ELOA: variants seen among roughly 807,000 people sequenced by gnomAD.
The protein encoded by ELOA is elongin-A.
In ELOA, 15 loss-of-function variants were observed where a neutral mutation model predicts 85.2. That is an observed-to-expected ratio of 0.18 (90% CI 0.12 to 0.27). The LOEUF is 0.27. Ranked by LOEUF, ELOA falls within the 10% of genes least tolerant of loss-of-function variation. The pLI is 1.00. For synonymous variants in ELOA, 348 were observed against 357.2 expected, an observed-to-expected ratio of 0.97 and a Z score of 0.29; for missense variants, 769 against 952.7, an observed-to-expected ratio of 0.81 and a Z score of 2.54.
At chr1:23,744,708 A>G (rs1443796761) in intron 1 of ELOA, among the ~76,000 whole-genome samples, 1 of 152,142 alleles carries the variant, frequency 6.6e-6, no homozygotes, top group African/African-American at 2.4e-5. Context: ...GTGGAAGTAC[A>G]ACGATGAAAA....
intron 9 of ELOA, 130 bp downstream of exon 9, chr1:23,756,515 C>G: frequency 1.4e-6 from 1 of 732,102 alleles, no homozygotes; most frequent in Non-Finnish European, 2.2e-6. Flanking sequence ...CAGACCTCAT[C>G]AGCTCAGCAC....
rs776994826 is a variant in ELOA at position 23,752,529 on chromosome 1, A to G, written c.1537+11A>G. 15 of 1,610,380 alleles carry G rather than the reference A, an allele frequency of 9.3e-6. No individual in the cohort carries two copies. Among genetic ancestry groups the G allele is most frequent in the Admixed American group, 1.7e-5 (1 of 59,576 alleles). On this transcript the variant is annotated intron_variant, in intron 5 of 10. Coordinates refer to ENST00000613537, the MANE Select transcript of ELOA (RefSeq NM_003198.3). ...AGCCAAAGCGAAAAGGTAATTTTCT[A>G]TATCTTCTTTTTCTTAATGGGAAAA...
Position 23,743,477 on chromosome 1 carries a change from G to A in ELOA, c.-27G>A. The A allele has an allele frequency of 6.7e-7, 1 of 1,501,732 alleles. No homozygotes were observed. Among genetic ancestry groups the A allele is most frequent in the Admixed American group, 2.1e-5 (1 of 47,224 alleles). 93.0% of individuals were successfully genotyped at this position (1,501,732 alleles called of 1,614,324 possible). A position where few individuals can be genotyped will look rare whatever the true frequency, so the allele number is the denominator to read the frequency against. On this transcript the variant is annotated 5_prime_UTR_variant, in exon 1 of 11. Transcript: ENST00000613537. ...GAGGACGCGACGCGAGCCCAGTTCC[G>A]GCGAGGAGGCCGCGCCAGTGACAGC...
rs541445828 is a variant in ELOA, at chr1:23,745,397, A to AT, written c.75+1829dup. The stretch of plus-strand genomic sequence containing the variant: ...AATGTTCTATGTAGTGTCTACAGTC[A>AT]TTTTTTTTTTAACTAGAATTTAGAT... On this transcript the variant is annotated intron_variant, in intron 1 of 10. Transcript: ENST00000613537. Among the ~76,000 whole-genome samples the AT allele has an allele frequency of 6.6e-4, 99 of 149,042 alleles. 1 individual carries two copies. The South Asian group carries it at 8.0e-3, about 12-fold the overall frequency.
chr1:23,746,875 A>G (rs553173967), intron 1 of ELOA, among the ~76,000 whole-genome samples: 6 of 152,272 alleles, frequency 3.9e-5, no homozygotes, highest in East Asian at 1.9e-4. Context: ...AGGATGCCCA[A>G]TGTGCCTTTG....
chr1:23,758,256 T>TTTTTTTTTTC (rs1638235944), intron 10 of ELOA, among the ~76,000 whole-genome samples: 1 of 56,578 alleles, frequency 1.8e-5, no homozygotes, highest in East Asian at 4.7e-4. Context: ...AATTTATTTA[T>TTTTTTTTTTC]TTATTTTTTT....
At chr1:23,757,475 G>T (rs372956081) in intron 10 of ELOA, among the ~76,000 whole-genome samples, 1 of 152,130 alleles carries the variant, frequency 6.6e-6, no homozygotes, top group East Asian at 1.9e-4. Flanking sequence ...GTACACACCT[G>T]TAGTCCCACC....
Position 23,749,779 on chromosome 1 carries a change from T to C in ELOA, c.133-63T>C, listed in dbSNP as rs1644760820. On this transcript the variant is annotated intron_variant, in intron 2 of 10. Coordinates refer to ENST00000613537, the MANE Select transcript of ELOA (RefSeq NM_003198.3). ...GAGTTTCTCAAAGTAGAAAGCCTTA[T>C]TTCTTTAGAAAAACGTTAGCCTAGT... is the stretch of plus-strand genomic sequence containing the variant. 2.8e-6 allele frequency: 4 copies of C among 1,441,716 alleles called. No individual in the cohort carries two copies. The South Asian group carries it at 3.7e-5, about 13-fold the overall frequency. The allele number at this position is 1,441,716 out of a possible 1,614,324, so 89.3% of individuals were successfully genotyped here. A position where few individuals can be genotyped will look rare whatever the true frequency, so the allele number is the denominator to read the frequency against.
chr1:23,753,147 C>G (rs984000228), intron 5 of ELOA, among the ~76,000 whole-genome samples: 2 of 152,086 alleles, frequency 1.3e-5, no homozygotes, highest in African/African-American at 4.8e-5. Context: ...AAGACTGTTT[C>G]AAAAACAAAC....
chr1:23,743,630 C>A lies in ELOA; in HGVS notation c.75+52C>A, dbSNP rs1459224537. The A allele has an allele frequency of 8.4e-6, 12 of 1,428,924 alleles. No individual in the cohort carries two copies. The Admixed American group carries it at 2.6e-4, about 31-fold the overall frequency. The allele number at this position is 1,428,924 out of a possible 1,614,324, so 88.5% of individuals were successfully genotyped here. A position where few individuals can be genotyped will look rare whatever the true frequency, so the allele number is the denominator to read the frequency against. ...GATGGGCGTTGGGTCGGTGAGGGCC[C>A]CGTAACGGTCGCGGCCCGAGCGTGG... On this transcript the variant is annotated intron_variant, in intron 1 of 10. Transcript: ENST00000613537.
Position 23,755,891 on chromosome 1 carries a change from G to C in ELOA, c.1840G>C (p.Asp614His). Reference sequence around the variant, plus strand: ...ATTATGGAAAGTTCATTGTCACCGAGACTTTAAGGAAGAAAGACCCGAAGA... The same window carrying C: ...ATTATGGAAAGTTCATTGTCACCGACACTTTAAGGAAGAAAGACCCGAAGA... Reference protein sequence around the residue: ...DQLWKVHCHRDFKEERPEEYE... With the variant: ...DQLWKVHCHRHFKEERPEEYE... The change falls in exon 8 of 11, where the codon GAC becomes CAC. Residue 614 changes from aspartate to histidine, a missense_variant. Around this residue, in one of 4 missense-constraint regions of ELOA, gnomAD observed 193 missense variants for 278.9 expected, o/e 0.69. Transcript: ENST00000613537. 6.2e-7 allele frequency: 1 copy of C among 1,613,424 alleles called. No individual in the cohort carries two copies. Among genetic ancestry groups the C allele is most frequent in the Non-Finnish European group, 8.5e-7 (1 of 1,179,852 alleles).
rs1644791461 is a variant in ELOA, at chr1:23,755,759, G to A, written c.1792-84G>A. ...TGCACCACTGCACTGCAGTCTACACGACAGAGCAAGACTCTGTCTCAAAAA... is the reference window on the plus strand; with the variant it reads ...TGCACCACTGCACTGCAGTCTACACAACAGAGCAAGACTCTGTCTCAAAAA... On this transcript the variant is annotated intron_variant, in intron 7 of 10. Transcript: ENST00000613537. 41 of 1,410,648 alleles carry A rather than the reference G, an allele frequency of 2.9e-5. No individual in the cohort carries two copies. The Middle Eastern group carries it at 7.4e-4, about 25-fold the overall frequency. 87.4% of individuals were successfully genotyped at this position (1,410,648 alleles called of 1,614,324 possible). A position where few individuals can be genotyped will look rare whatever the true frequency, so the allele number is the denominator to read the frequency against.
intron 2 of ELOA, among the ~76,000 whole-genome samples, chr1:23,749,285 G>C (rs1644759121): frequency 6.6e-6 from 1 of 152,216 alleles, no homozygotes; most frequent in Non-Finnish European, 1.5e-5. Flanking sequence ...CCAGGGGCTA[G>C]GAGAATTGGG....
At position 23,743,560 on chromosome 1, in the gene ELOA, G is replaced by T; in HGVS notation, c.57G>T (p.Ala19=). 2.0e-6 allele frequency: 3 copies of T among 1,495,530 alleles called. No homozygotes were observed. Among genetic ancestry groups the T allele is most frequent in the Non-Finnish European group, 1.8e-6 (2 of 1,127,660 alleles). 92.6% of individuals were successfully genotyped at this position (1,495,530 alleles called of 1,614,324 possible). A position where few individuals can be genotyped will look rare whatever the true frequency, so the allele number is the denominator to read the frequency against. ...AGAAGCTGCAGGCGCGCCTGGCCGC[G>T]AACCCGGACCCTAAGAAGGTAAGCG... ...VVEKLQARLA[A]NPDPKKLLKY... is the part of the protein sequence containing the mutation. The change falls in exon 1 of 11, where the codon GCG becomes GCT. Residue 19 remains alanine, a synonymous_variant. Transcript: ENST00000613537.
At chr1:23,752,096 T>C in intron 4 of ELOA, 66 bp downstream of exon 4, 1 of 1,447,178 alleles carries the variant, frequency 6.9e-7, no homozygotes, top group Non-Finnish European at 9.3e-7. Context: ...CTCAGAGGAT[T>C]GCCCTGCCAC....
rs1046751245 is a variant in ELOA, at chr1:23,760,117, G to T, written c.*544G>T. The T allele has an allele frequency of 6.5e-6, 1 of 153,416 alleles. No homozygotes were observed. The highest frequency in any genetic ancestry group is 1.4e-5 in the Non-Finnish European group (1 of 68,998). 9.5% of individuals were successfully genotyped at this position (153,416 alleles called of 1,614,324 possible). A position where few individuals can be genotyped will look rare whatever the true frequency, so the allele number is the denominator to read the frequency against. ...TAGGGCAAGGAATGAGCACTAGACC[G>T]CCTGTCCCCAAGGGAGCCTCAGTGG... On this transcript the variant is annotated 3_prime_UTR_variant, in exon 11 of 11. Transcript: ENST00000613537.
chr1:23,743,511 C>A lies in ELOA; in HGVS notation c.8C>A (p.Ala3Glu). The change falls in exon 1 of 11, where the codon GCG becomes GAG. Residue 3 changes from alanine to glutamate, a missense_variant. Ala to Glu is a moderately radical substitution (Grantham distance 107, BLOSUM62 -1). Around this residue, in one of 4 missense-constraint regions of ELOA, gnomAD observed 440 missense variants for 474.0 expected, o/e 0.93. Transcript: ENST00000613537. The stretch of plus-strand genomic sequence containing the variant: ...GCCGCGCCAGTGACAGCGATGGCGG[C>A]GGAGTCGGCGCTCCAAGTTGTGGAG... MAAESALQVVEKL... is the reference protein window; with the variant it reads MAEESALQVVEKL... 1 of 1,504,714 alleles carries A rather than the reference C, an allele frequency of 6.6e-7. No homozygotes were observed. The highest frequency in any genetic ancestry group is 8.8e-7 in the Non-Finnish European group (1 of 1,132,112). 93.2% of individuals were successfully genotyped at this position (1,504,714 alleles called of 1,614,324 possible). A position where few individuals can be genotyped will look rare whatever the true frequency, so the allele number is the denominator to read the frequency against.
At position 23,755,825 on chromosome 1, in the gene ELOA, T is replaced by C; in HGVS notation, c.1792-18T>C. 6.3e-7 allele frequency: 1 copy of C among 1,576,502 alleles called. No individual in the cohort carries two copies. Among genetic ancestry groups the C allele is most frequent in the African/African-American group, 1.4e-5 (1 of 72,006 alleles). On this transcript the variant is annotated intron_variant, in intron 7 of 10. Transcript: ENST00000613537. ...GAAAAGTGCTTGTACACAAATGATG[T>C]CCTGGTTCTGGTTTCAGGTATTAAT...
In ELOA at chr1:23,755,910, C is replaced by G; in HGVS notation, c.1859C>G (p.Pro620Arg). 2.5e-6 allele frequency: 4 copies of G among 1,613,302 alleles called. No individual in the cohort carries two copies. In the South Asian group the frequency reaches 4.4e-5, roughly 18 times the overall value. The change falls in exon 8 of 11, where the codon CCC (proline) becomes CGC (arginine). Residue 620 changes from proline (P) to arginine (R), a missense_variant. By Grantham distance (103) the Pro-to-Arg change is moderately radical. This residue lies in a region of ELOA where 193 missense variants were observed against 278.9 expected (regional missense o/e 0.69). Coordinates refer to ENST00000613537, the MANE Select transcript of ELOA (RefSeq NM_003198.3). ...HCHRDFKEER[P>R]EEYESWREMY... ...CACCGAGACTTTAAGGAAGAAAGAC[C>G]CGAAGAGTATGAGTCGTGGCGAGAG... is the stretch of plus-strand genomic sequence containing the variant.
Sources: allele counts gnomAD v4.1 joint callset (sites outside exome capture counted in the v4.1 genomes callset), GRCh38; gene constraint gnomAD v4.1.1; regional missense constraint gnomAD v4.1.1; transcripts MANE v1.5; gene names NCBI Gene and HGNC (gene_info 2026-07-23, HGNC 2026-07-21).